Variants in ZNF730 observed in about 807,000 individuals in gnomAD.
The protein encoded by ZNF730 is putative zinc finger protein 730.
In ZNF730, 12 loss-of-function variants were observed where a neutral mutation model predicts 12.6. The observed-to-expected ratio is 0.95, with a 90% CI of 0.61 to 1.54. ZNF730 has a LOEUF of 1.54. ZNF730 is among the 40% of genes most tolerant of loss of function. The probability of loss-of-function intolerance (pLI) is 0.00; values close to 1 mark genes in which losing one functional copy is unlikely to be tolerated. For missense variants in ZNF730, 643 were observed against 583.5 expected, an observed-to-expected ratio of 1.10 and a Z score of -1.05; for synonymous variants, 194 against 195.8, an observed-to-expected ratio of 0.99 and a Z score of 0.08.
At chr19:23,094,206 T>G (rs1431365549) in intron 1 of ZNF730, among the ~76,000 whole-genome samples, 1 of 152,044 alleles carries the variant, frequency 6.6e-6, no homozygotes, top group Non-Finnish European at 1.5e-5. Flanking sequence ...ATTGAATTGC[T>G]GTTTTTTTTT....
At chr19:23,088,965 CG>C (rs1970111291) in intron 1 of ZNF730, among the ~76,000 whole-genome samples, 1 of 149,366 alleles carries the variant, frequency 6.7e-6, no homozygotes, top group Admixed American at 6.7e-5. Context: ...CTCCACCTCC[CG>C]GGTTCAAGTG....
At chr19:23,137,811 T>C (rs1272169408) in intron 3 of ZNF730, among the ~76,000 whole-genome samples, 4 of 152,238 alleles carry the variant, frequency 2.6e-5, no homozygotes, top group Non-Finnish European at 5.9e-5. Flanking sequence ...CTGCTGGGTC[T>C]TCACTGGGGT....
chr19:23,142,100 A>G (rs1040385645), intron 3 of ZNF730, among the ~76,000 whole-genome samples: 6 of 152,172 alleles, frequency 3.9e-5, no homozygotes, highest in African/African-American at 1.4e-4. Context: ...GTATATACAA[A>G]TGTTTCATAG....
chr19:23,094,384 A>ATCTG (rs1459357413), intron 1 of ZNF730, among the ~76,000 whole-genome samples: 1 of 146,912 alleles, frequency 6.8e-6, no homozygotes, highest in Non-Finnish European at 1.5e-5. Context: ...CTATCTATCT[A>ATCTG]TCTATCTGTC....
intron 1 of ZNF730, among the ~76,000 whole-genome samples, chr19:23,119,107 G>T (rs941076760): frequency 1.3e-5 from 2 of 152,106 alleles, no homozygotes; most frequent in African/African-American, 4.8e-5. Context: ...GTGAGAGAAG[G>T]CATTCTTGCT....
chr19:23,135,684 C>T (rs577258532), intron 2 of ZNF730, among the ~76,000 whole-genome samples: 28 of 151,720 alleles, frequency 1.8e-4, no homozygotes, highest in African/African-American at 6.0e-4. Flanking sequence ...CTAATTTTTT[C>T]GTATTTTTAG....
At chr19:23,100,814 C>T (rs1970328255) in intron 1 of ZNF730, among the ~76,000 whole-genome samples, 2 of 151,930 alleles carry the variant, frequency 1.3e-5, no homozygotes, top group Admixed American at 1.3e-4. Context: ...CGCCACCAAG[C>T]CCAGCTAATT....
intron 1 of ZNF730, among the ~76,000 whole-genome samples, chr19:23,117,869 T>C (rs1444485835): frequency 6.6e-6 from 1 of 152,138 alleles, no homozygotes; most frequent in African/African-American, 2.4e-5. Context: ...TACAAAAAAA[T>C]ACATTTGAGT....
intron 1 of ZNF730, among the ~76,000 whole-genome samples, chr19:23,084,131 T>G (rs1174770522): frequency 6.6e-6 from 1 of 152,206 alleles, no homozygotes; most frequent in Non-Finnish European, 1.5e-5. Flanking sequence ...TATATTATTC[T>G]GTGTATGGAT....
chr19:23,109,694 T>G (rs886393919), intron 1 of ZNF730, among the ~76,000 whole-genome samples: 2 of 152,118 alleles, frequency 1.3e-5, no homozygotes, highest in African/African-American at 4.8e-5. Context: ...ATTACAGGTG[T>G]GAGCCACTGC....
intron 2 of ZNF730, 78 bp from the exon 3 acceptor site, chr19:23,135,870 C>T (rs1486808383): frequency 7.6e-7 from 1 of 1,313,600 alleles, no homozygotes; most frequent in South Asian, 1.3e-5. Context: ...TATTCCATTA[C>T]ATTCTCTTTA....
chr19:23,107,807 A>G (rs1410417467), intron 1 of ZNF730, among the ~76,000 whole-genome samples: 1 of 152,246 alleles, frequency 6.6e-6, no homozygotes, highest in African/African-American at 2.4e-5. Flanking sequence ...TACAGATTGT[A>G]ATATTCCAAG....
rs1397898708 is a variant in ZNF730, at chr19:23,142,683, G to C, written c.227-2588G>C. Among the ~76,000 whole-genome samples the C allele has an allele frequency of 1.6e-4, 10 of 63,736 alleles. No homozygotes were observed. In the Admixed American group the frequency reaches 2.8e-3, roughly 18 times the overall value. 41.8% of individuals were successfully genotyped at this position (63,736 alleles called of 152,430 possible). ...AGCCTGGGTGACAGAGTGAGACTCT[G>C]TCTCAAAAAAAAAAAAAAAAAAAAA... On this transcript the variant is annotated intron_variant, in intron 3 of 3. Coordinates refer to ENST00000597761, the MANE Select transcript of ZNF730 (RefSeq NM_001277403.2).
chr19:23,142,605 G>A (rs1013480476), intron 3 of ZNF730, among the ~76,000 whole-genome samples: 10 of 150,202 alleles, frequency 6.7e-5, no homozygotes, highest in Admixed American at 3.3e-4. Flanking sequence ...GGAGAATGGC[G>A]TGAACCTGGG....
chr19:23,106,441 G>A (rs539938600), intron 1 of ZNF730, among the ~76,000 whole-genome samples: 18 of 152,128 alleles, frequency 1.2e-4, no homozygotes, highest in African/African-American at 4.3e-4. Context: ...ATACAATGTA[G>A]AAAATTTTAA....
In ZNF730 at chr19:23,145,391, G is replaced by T. The variant is rs2145709380; in HGVS notation, c.347G>T (p.Gly116Val). 1.3e-6 allele frequency: 2 copies of T among 1,590,168 alleles called. No homozygotes were observed. The highest frequency in any genetic ancestry group is 1.7e-4 in the Middle Eastern group (1 of 6,036). Reference sequence around the variant, plus strand: ...CATGAGAATTTACTGTTAAGAAAAGGCTGTAAAAATGTGGATGAGTTTAAG... The same window carrying T: ...CATGAGAATTTACTGTTAAGAAAAGTCTGTAAAAATGTGGATGAGTTTAAG... ...CRHENLLLRK[G>V]CKNVDEFKMH... is the part of the protein sequence containing the mutation. The change falls in exon 4 of 4, where the codon GGC becomes GTC. Residue 116 changes from glycine to valine, a missense_variant. Gly to Val is a moderately radical substitution (Grantham distance 109). Coordinates refer to ENST00000597761, the MANE Select transcript of ZNF730 (RefSeq NM_001277403.2).
intron 1 of ZNF730, among the ~76,000 whole-genome samples, chr19:23,076,786 C>G (rs1320872693): frequency 6.6e-6 from 1 of 152,160 alleles, no homozygotes; most frequent in Non-Finnish European, 1.5e-5. Flanking sequence ...GGCCATTCCT[C>G]AGAGACCTAG....
At chr19:23,104,420 A>C (rs913059943) in intron 1 of ZNF730, among the ~76,000 whole-genome samples, 12 of 151,982 alleles carry the variant, frequency 7.9e-5, no homozygotes, top group African/African-American at 2.9e-4. Context: ...AACCTTTTTG[A>C]CTTTTGCTTG....
chr19:23,093,906 A>G (rs1172535364), intron 1 of ZNF730, among the ~76,000 whole-genome samples: 1 of 152,206 alleles, frequency 6.6e-6, no homozygotes, highest in African/African-American at 2.4e-5. Context: ...TGCCTCTGCC[A>G]GTTGGCTTTT....
Sources: allele counts gnomAD v4.1 joint callset (sites outside exome capture counted in the v4.1 genomes callset), GRCh38; gene constraint gnomAD v4.1.1; transcripts MANE v1.5; gene names NCBI Gene and HGNC (gene_info 2026-07-23, HGNC 2026-07-21).